KCTD16: variants seen among roughly 807,000 people sequenced by gnomAD.
KCTD16 encodes the protein BTB/POZ domain-containing protein KCTD16.
In KCTD16, 13 loss-of-function variants were observed where a neutral mutation model predicts 33.2. The observed-to-expected ratio is 0.39, with a 90% CI of 0.25 to 0.62. The LOEUF (loss-of-function observed/expected upper bound fraction) is 0.62, where lower values mean the gene tolerates loss of function less well. Among genes scored for constraint, KCTD16 ranks in the 20% least tolerant of loss-of-function variants. The pLI is 0.50. For synonymous variants in KCTD16, 197 were observed against 195.3 expected (o/e 1.01, Z -0.07); for missense variants, 441 against 525.1 (o/e 0.84, Z 1.57).
chr5:144,393,066 T>C (rs920978661), intron 3 of KCTD16, among the ~76,000 whole-genome samples: 4 of 152,228 alleles, frequency 2.6e-5, no homozygotes, highest in African/African-American at 9.6e-5. Context: ...GAGGATACTA[T>C]AACAATACTA....
intron 2 of KCTD16, among the ~76,000 whole-genome samples, chr5:144,178,676 G>C (rs1162784086): frequency 1.3e-5 from 2 of 152,056 alleles, no homozygotes; most frequent in African/African-American, 4.8e-5. Context: ...CTTAACTCTT[G>C]CTAAGATGTT....
At chr5:144,400,207 G>T (rs554260318) in intron 3 of KCTD16, among the ~76,000 whole-genome samples, 1 of 152,310 alleles carries the variant, frequency 6.6e-6, no homozygotes, top group East Asian at 1.9e-4. Context: ...GAAGTACCTT[G>T]CAGGGAAGAA....
At chr5:144,279,225 G>A (rs928994156) in intron 3 of KCTD16, among the ~76,000 whole-genome samples, 1 of 152,114 alleles carries the variant, frequency 6.6e-6, no homozygotes, top group African/African-American at 2.4e-5. Flanking sequence ...TTTTTATGTA[G>A]ACAAATATGT....
chr5:144,329,681 A>C (rs566673953), intron 3 of KCTD16, among the ~76,000 whole-genome samples: 108 of 152,216 alleles, frequency 7.1e-4, no homozygotes, highest in African/African-American at 2.4e-3. Flanking sequence ...TTGGATAGGA[A>C]TTTTCAGGTG....
intron 3 of KCTD16, among the ~76,000 whole-genome samples, chr5:144,264,561 G>A (rs145852994): frequency 1.0e-3 from 157 of 152,190 alleles, no homozygotes; most frequent in African/African-American, 3.7e-3. Context: ...CCAGGAGTTC[G>A]AGTCCAGTCT....
At chr5:144,419,505 G>T (rs894313420) in intron 3 of KCTD16, among the ~76,000 whole-genome samples, 2 of 152,112 alleles carry the variant, frequency 1.3e-5, no homozygotes, top group African/African-American at 4.8e-5. Context: ...TGAATGGGAT[G>T]GTTTCTCCTC....
intron 3 of KCTD16, among the ~76,000 whole-genome samples, chr5:144,333,681 C>T (rs900164926): frequency 6.6e-6 from 1 of 152,082 alleles, no homozygotes; most frequent in East Asian, 1.9e-4. Context: ...GTGTCTCATT[C>T]CCCAGCATTC....
In KCTD16 at chr5:144,475,122, A is replaced by G. The variant is rs1024805639; in HGVS notation, c.*1008A>G. ...GGTGTGGCCTTTCCACATAATCCAC[A>G]TTAAGTTCTGTGTTCCTGTGTTGTT... On this transcript the variant is annotated 3_prime_UTR_variant, in exon 4 of 4. Coordinates refer to ENST00000512467, the MANE Select transcript of KCTD16 (RefSeq NM_020768.4). 6.6e-6 allele frequency: 1 copy of G among 152,340 alleles called. No individual in the cohort carries two copies. Among genetic ancestry groups the G allele is most frequent in the East Asian group, 1.9e-4 (1 of 5,182 alleles). The allele number at this position is 152,340 out of a possible 1,614,324, so 9.4% of individuals were successfully genotyped here. A position where few individuals can be genotyped will look rare whatever the true frequency, so the allele number is the denominator to read the frequency against.
chr5:144,449,390 GA>G (rs1457874262), intron 3 of KCTD16, among the ~76,000 whole-genome samples: 5 of 151,124 alleles, frequency 3.3e-5, no homozygotes, highest in Admixed American at 6.6e-5. Context: ...TATAAAAGTA[GA>G]AAAAAAATAC....
At chr5:144,401,458 TA>T (rs545538184) in intron 3 of KCTD16, among the ~76,000 whole-genome samples, 1 of 152,230 alleles carries the variant, frequency 6.6e-6, no homozygotes, top group East Asian at 1.9e-4. Flanking sequence ...CAATATGTAT[TA>T]AAAAAAGTTA....
At position 144,475,074 on chromosome 5, in the gene KCTD16, G is replaced by A. The variant is rs1327816798; in HGVS notation, c.*960G>A. 6.6e-6 allele frequency: 1 copy of A among 152,114 alleles called. No homozygotes were observed. The highest frequency in any genetic ancestry group is 1.5e-5 in the Non-Finnish European group (1 of 68,008). 9.4% of individuals were successfully genotyped at this position (152,114 alleles called of 1,614,324 possible). ...TCACCCTTTTCTCCATGTTTTCAGA[G>A]TTCTTACTGCCCACAGTTTAATGGT... is the stretch of plus-strand genomic sequence containing the variant. On this transcript the variant is annotated 3_prime_UTR_variant, in exon 4 of 4. Coordinates refer to ENST00000512467, the MANE Select transcript of KCTD16 (RefSeq NM_020768.4).
intron 3 of KCTD16, among the ~76,000 whole-genome samples, chr5:144,249,995 G>A (rs1321213809): frequency 6.6e-6 from 1 of 152,174 alleles, no homozygotes; most frequent in East Asian, 1.9e-4. Context: ...CACTTTTAGA[G>A]CCAAATCAGA....
At position 144,310,654 on chromosome 5, in the gene KCTD16, A is replaced by G. The variant is rs1751741013; in HGVS notation, c.832+103108A>G. On this transcript the variant is annotated intron_variant, in intron 3 of 3. Transcript: ENST00000512467. ...AAAATAAAACCCAAACAACCTAGAT[A>G]ATAAAGTCTGATTCATGATTTATTT... Among the ~76,000 whole-genome samples, 8 of 152,248 alleles carry G rather than the reference A, an allele frequency of 5.3e-5. No homozygotes were observed. The South Asian group carries it at 1.7e-3, about 32-fold the overall frequency.
chr5:144,193,525 T>A (rs886279573), intron 2 of KCTD16, among the ~76,000 whole-genome samples: 1 of 152,084 alleles, frequency 6.6e-6, no homozygotes, highest in Non-Finnish European at 1.5e-5. Flanking sequence ...CAAACAAGAT[T>A]TTTTAAATAT....
intron 3 of KCTD16, among the ~76,000 whole-genome samples, chr5:144,247,119 C>T (rs1242014628): frequency 2.0e-5 from 3 of 152,158 alleles, no homozygotes; most frequent in African/African-American, 7.2e-5. Context: ...GCAATAGCTC[C>T]CATCCCATAC....
intron 3 of KCTD16, among the ~76,000 whole-genome samples, chr5:144,253,403 A>T (rs1355978079): frequency 1.3e-5 from 2 of 152,208 alleles, no homozygotes; most frequent in Admixed American, 1.3e-4. Flanking sequence ...ATCACAGGCT[A>T]TGATGTTTCC....
chr5:144,177,854 C>A lies in KCTD16; in HGVS notation c.-327+3382C>A, dbSNP rs75212659. 4.1e-3 allele frequency among the ~76,000 whole-genome samples: 619 copies of A among 152,310 alleles called. 2 individuals are homozygous for A. Among genetic ancestry groups the A allele is most frequent in the African/African-American group, 0.014 (601 of 41,580 alleles). ...ACCAGCCTTATGATGTTACTGCATT[C>A]TTTTGCCCAAATATAGACTAAGTCT... On this transcript the variant is annotated intron_variant, in intron 2 of 3. Coordinates refer to ENST00000512467, the MANE Select transcript of KCTD16 (RefSeq NM_020768.4).
intron 3 of KCTD16, among the ~76,000 whole-genome samples, chr5:144,228,954 A>G (rs1296293529): frequency 6.6e-6 from 1 of 152,234 alleles, no homozygotes; most frequent in Non-Finnish European, 1.5e-5. Context: ...TGAAGAGAGA[A>G]GACCATATAA....
chr5:144,337,776 G>A (rs989759542), intron 3 of KCTD16, among the ~76,000 whole-genome samples: 2 of 152,134 alleles, frequency 1.3e-5, no homozygotes, highest in African/African-American at 2.4e-5. Flanking sequence ...TTTAGAGAGA[G>A]TAGCCCTGAT....
Sources: allele counts gnomAD v4.1 joint callset (sites outside exome capture counted in the v4.1 genomes callset), GRCh38; gene constraint gnomAD v4.1.1; transcripts MANE v1.5; gene names NCBI Gene and HGNC (gene_info 2026-07-23, HGNC 2026-07-21).